The following AFAP1 variants were observed in gnomAD, a reference collection of about 807,000 sequenced individuals.
AFAP1 encodes the protein actin filament-associated protein 1.
A neutral mutation model predicts 93.9 loss-of-function variants in AFAP1; 75 were observed. That is an observed-to-expected ratio of 0.80 (90% CI 0.66 to 0.97). AFAP1 has a LOEUF of 0.97. AFAP1 is among the 50% of genes least tolerant of loss of function. The probability of loss-of-function intolerance (pLI) is 0.00; values close to 1 mark genes in which losing one functional copy is unlikely to be tolerated. For synonymous variants in AFAP1, 517 were observed against 430.7 expected (o/e 1.20, Z -2.48); for missense variants, 1,201 against 1,050.8 (o/e 1.14, Z -1.98).
chr4:7,783,299 C>A (rs1240759267), intron 12 of AFAP1, among the ~76,000 whole-genome samples: 1 of 152,218 alleles, frequency 6.6e-6, no homozygotes, highest in East Asian at 1.9e-4. Flanking sequence ...ACCACCATGC[C>A]CGGCTAATTT....
intron 3 of AFAP1, among the ~76,000 whole-genome samples, chr4:7,864,155 T>TCACAACCCATTCCCAACTTCC (rs1453860392): frequency 1.3e-4 from 3 of 23,048 alleles, no homozygotes; most frequent in Non-Finnish European, 3.2e-4. Context: ...TCCCAACTTC[T>TCACAACCCATTCCCAACTTCC]CATCACAACC....
intron 11 of AFAP1, chr4:7,788,723 G>A (rs1459339075): frequency 1.3e-5 from 2 of 152,152 alleles, no homozygotes; most frequent in Non-Finnish European, 2.9e-5. Flanking sequence ...GGGAGACAGC[G>A]CTATGTATAC....
intron 9 of AFAP1, among the ~76,000 whole-genome samples, chr4:7,809,248 G>C (rs1719803572): frequency 6.6e-6 from 1 of 150,872 alleles, no homozygotes; most frequent in Non-Finnish European, 1.5e-5. Flanking sequence ...TTTGCCCAAG[G>C]GAAAGAACTG....
At chr4:7,880,333 A>T (rs1031052919) in intron 1 of AFAP1, among the ~76,000 whole-genome samples, 2 of 135,578 alleles carry the variant, frequency 1.5e-5, no homozygotes, top group Non-Finnish European at 3.0e-5. Context: ...AGGCTGGAGT[A>T]CAGTGGCATA....
chr4:7,858,633 GA>G (rs566626907), intron 3 of AFAP1, among the ~76,000 whole-genome samples: 307 of 152,298 alleles, frequency 2.0e-3, no homozygotes, highest in African/African-American at 7.0e-3. Context: ...GGGGCCACGG[GA>G]AAGCAGAGGC....
chr4:7,921,457 T>C (rs1216371976), intron 1 of AFAP1, among the ~76,000 whole-genome samples: 5 of 148,334 alleles, frequency 3.4e-5, no homozygotes. Flanking sequence ...AGCGCTAGGA[T>C]TACAGGCATG....
intron 4 of AFAP1, among the ~76,000 whole-genome samples, chr4:7,852,904 G>C (rs28735634): frequency 0.094 from 14,321 of 152,164 alleles, 1,245 homozygotes; most frequent in East Asian, 0.49. Flanking sequence ...ACAGGCTCTA[G>C]AAGAGAATGG....
At chr4:7,842,301 CAAAAAA>C (rs57050150) in intron 5 of AFAP1, among the ~76,000 whole-genome samples, 5 of 94,898 alleles carry the variant, frequency 5.3e-5, no homozygotes, top group African/African-American at 2.0e-4. Flanking sequence ...CCTGGATTTA[CAAAAAA>C]AAAAAAAAAA....
intron 5 of AFAP1, 146 bp downstream of exon 5, chr4:7,842,993 G>T (rs1009336299): frequency 8.3e-6 from 7 of 847,976 alleles, no homozygotes; most frequent in Admixed American, 5.6e-5. Flanking sequence ...CCCCTGGCAT[G>T]GTACTGCGGC....
At chr4:7,843,372 T>G (rs1260669950) in intron 4 of AFAP1, 22 bp from the exon 5 acceptor site, 2 of 1,591,812 alleles carry the variant, frequency 1.3e-6, no homozygotes, top group African/African-American at 2.7e-5. Flanking sequence ...AAACATACAC[T>G]GGTAAAAAGG....
chr4:7,887,455 T>C (rs1243415510), intron 1 of AFAP1, among the ~76,000 whole-genome samples: 1 of 152,180 alleles, frequency 6.6e-6, no homozygotes, highest in Non-Finnish European at 1.5e-5. Context: ...ATTTTCAAAA[T>C]CTCTGATTTT....
intron 13 of AFAP1, among the ~76,000 whole-genome samples, chr4:7,779,836 A>G (rs1716573782): frequency 6.6e-6 from 1 of 152,242 alleles, no homozygotes; most frequent in East Asian, 1.9e-4. Context: ...AGAAAGTGCA[A>G]GGTCTCGCCA....
At chr4:7,856,005 T>A (rs1054652224) in intron 3 of AFAP1, among the ~76,000 whole-genome samples, 1 of 152,184 alleles carries the variant, frequency 6.6e-6, no homozygotes, top group African/African-American at 2.4e-5. Flanking sequence ...TCCATGGCCC[T>A]GCCACAGGCG....
intron 1 of AFAP1, among the ~76,000 whole-genome samples, chr4:7,919,182 T>G (rs903983149): frequency 3.3e-5 from 5 of 152,100 alleles, no homozygotes; most frequent in African/African-American, 1.2e-4. Flanking sequence ...GACTGAGCAG[T>G]GGAGGGAAAT....
At chr4:7,791,243 CACTT>C (rs1252168678) in intron 11 of AFAP1, among the ~76,000 whole-genome samples, 1 of 152,204 alleles carries the variant, frequency 6.6e-6, no homozygotes, top group African/African-American at 2.4e-5. Context: ...TGTTTCTCCT[CACTT>C]GCTGATGATG....
At chr4:7,894,166 AG>A (rs1718635224) in intron 1 of AFAP1, among the ~76,000 whole-genome samples, 2 of 152,214 alleles carry the variant, frequency 1.3e-5, no homozygotes, top group South Asian at 4.1e-4. Flanking sequence ...CATCCACAGC[AG>A]GGGAGACTGC....
chr4:7,848,180 AG>A (rs1258794352), intron 4 of AFAP1, among the ~76,000 whole-genome samples: 2 of 77,192 alleles, frequency 2.6e-5, no homozygotes, highest in Non-Finnish European at 4.7e-5. Context: ...GGAGGGAGGG[AG>A]GGAGGAAGGA....
At chr4:7,792,983 G>A (rs903459945) in intron 11 of AFAP1, among the ~76,000 whole-genome samples, 1 of 152,174 alleles carries the variant, frequency 6.6e-6, no homozygotes, top group African/African-American at 2.4e-5. Flanking sequence ...GTGGAAAAAG[G>A]AAACAATGTC....
intron 13 of AFAP1, 177 bp from the exon 14 acceptor site, chr4:7,779,053 G>A: frequency 1.7e-6 from 1 of 588,890 alleles, no homozygotes; most frequent in Non-Finnish European, 3.0e-6. Context: ...TGGGCTGCTG[G>A]GATTCTGGGG....
Sources: allele counts gnomAD v4.1 joint callset (sites outside exome capture counted in the v4.1 genomes callset), GRCh38; gene constraint gnomAD v4.1.1; transcripts MANE v1.5; gene names NCBI Gene and HGNC (gene_info 2026-07-23, HGNC 2026-07-21).